P2RY10: variants seen among roughly 807,000 people sequenced by gnomAD.
P2RY10 encodes the protein P2Y receptor family member 10, also known as putative P2Y purinoceptor 10.
A neutral mutation model predicts 12.1 loss-of-function variants in P2RY10; 4 were observed. The observed-to-expected ratio is 0.33, with a 90% CI of 0.16 to 0.76. P2RY10 has a LOEUF of 0.76. Among genes scored for constraint, P2RY10 ranks in the 30% least tolerant of loss-of-function variants. P2RY10 has a pLI of 0.61. For missense variants in P2RY10, 233 were observed against 264.6 expected (o/e 0.88, Z 0.83); for synonymous variants, 112 against 94.1 (o/e 1.19, Z -1.10).
intron 3 of P2RY10, among the ~76,000 whole-genome samples, chrX:78,955,898 G>C (rs747282452): frequency 9.0e-6 from 1 of 111,579 alleles, no homozygotes; most frequent in South Asian, 3.8e-4. Flanking sequence ...TATACTGATT[G>C]AGTGTGGGCT....
At chrX:78,955,118 C>T (rs1922278540) in intron 3 of P2RY10, among the ~76,000 whole-genome samples, 1 of 111,711 alleles carries the variant, frequency 9.0e-6, no homozygotes, top group African/African-American at 3.2e-5. Flanking sequence ...TTATCTTTAG[C>T]AGCTAAAATA....
intron 3 of P2RY10, among the ~76,000 whole-genome samples, chrX:78,957,245 G>A (rs1922374069): frequency 9.2e-6 from 1 of 108,982 alleles, no homozygotes; most frequent in South Asian, 4.1e-4. Flanking sequence ...CTATGAGACA[G>A]GAACCAAGAA....
rs1444444147 is a variant in P2RY10 at position 78,961,515 on chromosome X, A to G, written c.995A>G (p.Glu332Gly). Reference sequence around the variant, plus strand: ...ACCCGCTCCCGCCTCATGAGCAAGGAGAGTGGTTCATCAATGATTGGCTAA... The same window carrying G: ...ACCCGCTCCCGCCTCATGAGCAAGGGGAGTGGTTCATCAATGATTGGCTAA... ...SVTRSRLMSK[E>G]SGSSMIG is the part of the protein sequence containing the mutation. Residue 332 changes from glutamate to glycine, a missense_variant, in exon 4 of 4, where the codon GAG becomes GGG. Coordinates refer to ENST00000171757, the MANE Select transcript of P2RY10 (RefSeq NM_014499.4). The G allele has an allele frequency of 8.3e-7, 1 of 1,198,820 alleles. No individual in the cohort carries two copies. Among genetic ancestry groups the G allele is most frequent in the Non-Finnish European group, 1.1e-6 (1 of 887,745 alleles).
In P2RY10 at chrX:78,960,697, G is replaced by A; in HGVS notation, c.177G>A (p.Leu59=). The A allele has an allele frequency of 1.7e-6, 2 of 1,210,843 alleles. No homozygotes were observed. Among genetic ancestry groups the A allele is most frequent in the Non-Finnish European group, 2.2e-6 (2 of 894,875 alleles). ...CTAACAGTGCAGCCTTGTGGGTTCT[G>A]TGCCGCTTCATCAGCAAGAAAAATA... is the stretch of plus-strand genomic sequence containing the variant. The part of the protein sequence containing the change: ...LLANSAALWV[L]CRFISKKNKA... The change falls in exon 4 of 4, where the codon CTG becomes CTA. Residue 59 remains leucine, a synonymous_variant. Coordinates refer to ENST00000171757, the MANE Select transcript of P2RY10 (RefSeq NM_014499.4).
In P2RY10 at chrX:78,960,812, C is replaced by T; in HGVS notation, c.292C>T (p.His98Tyr). ...PLRIYYYISHHWPFQRALCLL... is the reference protein window; with the variant it reads ...PLRIYYYISHYWPFQRALCLL... ...CCGGATTTACTATTACATCAGCCAC[C>T]ACTGGCCTTTCCAGAGAGCCCTTTG... The change falls in exon 4 of 4, where the codon CAC becomes TAC. Residue 98 changes from histidine to tyrosine, a missense_variant. His to Tyr is a moderately conservative substitution (Grantham distance 83, BLOSUM62 2). Transcript: ENST00000171757. The T allele has an allele frequency of 8.3e-7, 1 of 1,211,168 alleles. No homozygotes were observed. Among genetic ancestry groups the T allele is most frequent in the Non-Finnish European group, 1.1e-6 (1 of 894,844 alleles).
At position 78,961,678 on chromosome X, in the gene P2RY10, C is replaced by G; in HGVS notation, c.*138C>G. On this transcript the variant is annotated 3_prime_UTR_variant, in exon 4 of 4. Coordinates refer to ENST00000171757, the MANE Select transcript of P2RY10 (RefSeq NM_014499.4). ...AGTACTTTTGTGTAATATTCACAGT[C>G]AACAGGGGTGTGATGGTGAAGGCAG... The G allele has an allele frequency of 4.4e-6, 2 of 458,534 alleles. No individual in the cohort carries two copies. Among genetic ancestry groups the G allele is most frequent in the East Asian group, 7.6e-5 (2 of 26,428 alleles). 37.8% of individuals were successfully genotyped at this position (458,534 alleles called of 1,213,427 possible).
rs199972513 is a variant in P2RY10, at chrX:78,960,572, A to G, written c.52A>G (p.Thr18Ala). The G allele has an allele frequency of 1.1e-5, 13 of 1,206,982 alleles. No homozygotes were observed. In the East Asian group the frequency reaches 3.3e-4, roughly 30 times the overall value. Residue 18 changes from threonine (T) to alanine (A), a missense_variant, in exon 4 of 4, where the codon ACC becomes GCC. Physicochemically the swap from Thr to Ala is moderately conservative, Grantham distance 58. Transcript: ENST00000171757. ...TETFKMGSNSTSTAEIYCNVT... is the reference protein window; with the variant it reads ...TETFKMGSNSASTAEIYCNVT... ...AACATTCAAGATGGGTAGCAACAGT[A>G]CCAGCACTGCTGAGATTTACTGTAA... is the stretch of plus-strand genomic sequence containing the variant.
At chrX:78,954,481 G>T (rs748432882) in intron 3 of P2RY10, among the ~76,000 whole-genome samples, 1 of 111,473 alleles carries the variant, frequency 9.0e-6, no homozygotes, top group African/African-American at 3.3e-5. Context: ...AAACCTTTCC[G>T]ATCTTTTCTT....
chrX:78,957,387 CAG>C (rs1555965494), intron 3 of P2RY10, among the ~76,000 whole-genome samples: 1,559 of 75,592 alleles, frequency 0.021, 47 homozygotes, highest in African/African-American at 0.064. Flanking sequence ...CACACACACA[CAG>C]AGAGAGAGAG....
In P2RY10 at chrX:78,960,938, AG is replaced by A; in HGVS notation, c.421del (p.Ala141ProfsTer30). ...GTGCTTTTTTCTCCTCAAGCCCTTC[AG>A]GGCCAGAGACTGGAAGCGTAGGTAC... Reference protein sequence around the residue: ...QRCFFLLKPFRARDWKRRYDV... With the variant: ...QRCFFLLKPFXARDWKRRYDV... On this transcript the variant is annotated frameshift_variant, in exon 4 of 4. Transcript: ENST00000171757. The A allele has an allele frequency of 8.3e-7, 1 of 1,211,372 alleles. No individual in the cohort carries two copies. Among genetic ancestry groups the A allele is most frequent in the Non-Finnish European group, 1.1e-6 (1 of 895,170 alleles).
chrX:78,947,453 C>T (rs1174893707), intron 1 of P2RY10, among the ~76,000 whole-genome samples: 1 of 112,054 alleles, frequency 8.9e-6, no homozygotes, highest in East Asian at 2.8e-4. Context: ...AGTTCATATA[C>T]ATCACAGGTA....
chrX:78,948,326 C>A (rs1226393493), intron 2 of P2RY10, among the ~76,000 whole-genome samples: 1 of 111,756 alleles, frequency 8.9e-6, no homozygotes, highest in African/African-American at 3.3e-5. Context: ...TTTTCTAAAT[C>A]CAGAAATGTA....
At chrX:78,950,669 G>A (rs887395522) in intron 2 of P2RY10, among the ~76,000 whole-genome samples, 1 of 111,691 alleles carries the variant, frequency 9.0e-6, no homozygotes, top group Non-Finnish European at 1.9e-5. Flanking sequence ...TGCCATATAT[G>A]CATAGTGCAT....
intron 2 of P2RY10, among the ~76,000 whole-genome samples, chrX:78,949,772 C>A (rs1426674426): frequency 4.5e-5 from 5 of 111,930 alleles, no homozygotes; most frequent in Non-Finnish European, 3.8e-5. Flanking sequence ...TATCTCATGT[C>A]AACCAGGCTT....
intron 3 of P2RY10, among the ~76,000 whole-genome samples, chrX:78,953,896 G>C (rs1447373324): frequency 9.0e-6 from 1 of 111,401 alleles, no homozygotes; most frequent in African/African-American, 3.3e-5. Flanking sequence ...ATGGGGTCTT[G>C]CTCTATCACC....
intron 3 of P2RY10, among the ~76,000 whole-genome samples, chrX:78,960,181 A>T (rs918383918): frequency 8.9e-6 from 1 of 112,442 alleles, no homozygotes; most frequent in African/African-American, 3.2e-5. Flanking sequence ...ATTTGGAGTC[A>T]AAATAAATAT....
At position 78,962,699 on chromosome X, in the gene P2RY10, G is replaced by A. The variant is rs1354566946; in HGVS notation, c.*1159G>A. ...GAGAATCCTGATGATAAGGAGTATA[G>A]GAAACTCAAATAGTTCATTATTTCT... On this transcript the variant is annotated 3_prime_UTR_variant, in exon 4 of 4. Coordinates refer to ENST00000171757, the MANE Select transcript of P2RY10 (RefSeq NM_014499.4). Among the ~76,000 whole-genome samples the A allele has an allele frequency of 9.1e-6, 1 of 110,330 alleles. No homozygotes were observed. The highest frequency in any genetic ancestry group is 1.9e-5 in the Non-Finnish European group (1 of 52,790).
intron 3 of P2RY10, among the ~76,000 whole-genome samples, chrX:78,955,009 G>A (rs1922272731): frequency 8.9e-6 from 1 of 111,804 alleles, no homozygotes. Context: ...ACGGGGACGG[G>A]GTGGAGAGAA....
In P2RY10 at chrX:78,961,424, C is replaced by A; in HGVS notation, c.904C>A (p.Pro302Thr). The change falls in exon 4 of 4, where the codon CCA (proline) becomes ACA (threonine). Residue 302 changes from proline to threonine, a missense_variant. Transcript: ENST00000171757. Reference protein sequence around the residue: ...CLASLCCLLDPILYYFMASEF... With the variant: ...CLASLCCLLDTILYYFMASEF... ...TGCAAGTCTCTGCTGCCTTTTGGAT[C>A]CAATTCTTTATTACTTTATGGCTTC... is the stretch of plus-strand genomic sequence containing the variant. The A allele has an allele frequency of 8.3e-7, 1 of 1,210,844 alleles. No individual in the cohort carries two copies. Among genetic ancestry groups the A allele is most frequent in the Non-Finnish European group, 1.1e-6 (1 of 894,651 alleles).
Sources: gnomAD v4.1 joint callset for allele counts (sites outside exome capture counted in the v4.1 genomes callset) on GRCh38, gnomAD v4.1.1 for gene constraint, MANE v1.5 for transcripts, NCBI Gene and HGNC (gene_info 2026-07-23, HGNC 2026-07-21) for gene names.